Variants in ZIC4 observed in about 807,000 individuals in gnomAD.
ZIC4 encodes the protein Zic family zinc finger 4.
Under a neutral mutation model 28.8 loss-of-function variants are expected in ZIC4, and 15 were observed. The observed-to-expected ratio is 0.52, with a 90% CI of 0.35 to 0.80. The LOEUF (loss-of-function observed/expected upper bound fraction) is 0.80, where lower values mean the gene tolerates loss of function less well. Among genes scored for constraint, ZIC4 ranks in the 30% least tolerant of loss-of-function variants. The pLI is 0.01. For synonymous variants in ZIC4, 220 were observed against 198.1 expected (o/e 1.11, Z -0.93); for missense variants, 512 against 467.1 (o/e 1.10, Z -0.89).
At chr3:147,402,687 G>C in intron 2 of ZIC4, 41 bp downstream of exon 2, 2 of 1,464,074 alleles carry the variant, frequency 1.4e-6, no homozygotes, top group Non-Finnish European at 1.8e-6. Flanking sequence ...AAGAAGAAAA[G>C]AAACCAGCAA....
rs756723316 is a variant in ZIC4, at chr3:147,395,803, C to T, written c.688+49G>A. ...ACTTGAGGAAATCCAGACCCGAGGGCCTGCTTCCCCAGAGGGTCCGCACGC... is the reference window on the plus strand; with the variant it reads ...ACTTGAGGAAATCCAGACCCGAGGGTCTGCTTCCCCAGAGGGTCCGCACGC... On this transcript the variant is annotated intron_variant, in intron 3 of 4. Transcript: ENST00000383075. The T allele has an allele frequency of 1.3e-5, 21 of 1,566,732 alleles. No homozygotes were observed. The South Asian group carries it at 2.2e-4, about 16-fold the overall frequency.
intron 4 of ZIC4, among the ~76,000 whole-genome samples, chr3:147,389,777 C>T (rs925714426): frequency 1.3e-5 from 2 of 152,170 alleles, no homozygotes; most frequent in African/African-American, 4.8e-5. Flanking sequence ...TCTAGTTCCT[C>T]CTACACCTTT....
intron 1 of ZIC4, chr3:147,403,754 C>G: frequency 2.1e-6 from 1 of 475,434 alleles, no homozygotes; most frequent in South Asian, 3.5e-5. Flanking sequence ...GCCCACAGAA[C>G]AAGCAGTTGT....
In ZIC4 at chr3:147,391,173, A is replaced by G. The variant is rs754000514; in HGVS notation, c.762T>C (p.His254=). 2 of 1,610,160 alleles carry G rather than the reference A, an allele frequency of 1.2e-6. No individual in the cohort carries two copies. Among genetic ancestry groups the G allele is most frequent in the Non-Finnish European group, 8.5e-7 (1 of 1,176,828 alleles). Residue 254 remains histidine (H), a synonymous_variant, in exon 4 of 5, where the codon CAT becomes CAC. Coordinates refer to ENST00000383075, the MANE Select transcript of ZIC4 (RefSeq NM_032153.6). ...GCTTGTCGCTAGTGTGCACGTGCGA[A>G]TGCTTCTTACGGTCGCTGCTGTTGG... ...RFANSSDRKK[H]SHVHTSDKPY...
At chr3:147,393,845 C>T (rs1292727776) in intron 3 of ZIC4, 1 of 455,802 alleles carries the variant, frequency 2.2e-6, no homozygotes. Flanking sequence ...CCCGCGCCTC[C>T]CTCCCCGAGG....
intron 4 of ZIC4, among the ~76,000 whole-genome samples, chr3:147,389,606 T>C (rs539253425): frequency 6.6e-6 from 1 of 152,236 alleles, no homozygotes; most frequent in South Asian, 2.1e-4. Context: ...AAGGACCTGA[T>C]TTTTTTCCCT....
intron 2 of ZIC4, among the ~76,000 whole-genome samples, chr3:147,401,492 T>C (rs1187634568): frequency 1.3e-5 from 2 of 151,962 alleles, no homozygotes. Flanking sequence ...TGTTCTGCAC[T>C]AAATCAATAG....
chr3:147,405,319 A>C lies in ZIC4; in HGVS notation c.-16+1044T>G, dbSNP rs1037748108. 3 of 1,460,216 alleles carry C rather than the reference A, an allele frequency of 2.1e-6. No homozygotes were observed. In the African/African-American group the frequency reaches 4.2e-5, roughly 21 times the overall value. The allele number at this position is 1,460,216 out of a possible 1,614,324, so 90.5% of individuals were successfully genotyped here. On this transcript the variant is annotated intron_variant, in intron 1 of 4. Transcript: ENST00000383075. ...GACAGGAGAAAAAAGAGCAGCATGC[A>C]GTGGTGTGGGTCGCTGCGAGGACAA...
In ZIC4 at chr3:147,396,778, T is replaced by C; in HGVS notation, c.71-309A>G. 3.3e-6 allele frequency: 1 copy of C among 300,974 alleles called. No homozygotes were observed. Among genetic ancestry groups the C allele is most frequent in the Admixed American group, 4.6e-5 (1 of 21,940 alleles). The allele number at this position is 300,974 out of a possible 1,614,324, so 18.6% of individuals were successfully genotyped here. A position where few individuals can be genotyped will look rare whatever the true frequency, so the allele number is the denominator to read the frequency against. ...GGCTGAGTCTGTGGGTTGCTGGGGG[T>C]TCTGCTCCAGAGGGGTAGGAGCTGA... On this transcript the variant is annotated intron_variant, in intron 2 of 4. Coordinates refer to ENST00000383075, the MANE Select transcript of ZIC4 (RefSeq NM_032153.6). The surrounding 1 kb of genome is among the most constrained non-coding windows in gnomAD (Gnocchi z 4.2).
chr3:147,406,515 G>T lies in ZIC4; in HGVS notation c.-168C>A, dbSNP rs1205361265. The stretch of plus-strand genomic sequence containing the variant: ...TTTTCCAGCTTTCAGGAAGCAGTTA[G>T]GGAATGTATGATGAAGCAGAAATGA... On this transcript the variant is annotated 5_prime_UTR_variant, in exon 1 of 5. Coordinates refer to ENST00000383075, the MANE Select transcript of ZIC4 (RefSeq NM_032153.6). 1 of 152,596 alleles carries T rather than the reference G, an allele frequency of 6.6e-6. No homozygotes were observed. Among genetic ancestry groups the T allele is most frequent in the Non-Finnish European group, 1.5e-5 (1 of 68,054 alleles). The allele number at this position is 152,596 out of a possible 1,614,324, so 9.5% of individuals were successfully genotyped here. A position where few individuals can be genotyped will look rare whatever the true frequency, so the allele number is the denominator to read the frequency against.
intron 3 of ZIC4, among the ~76,000 whole-genome samples, chr3:147,394,819 G>C (rs776730354): frequency 6.6e-6 from 1 of 152,214 alleles, no homozygotes; most frequent in Admixed American, 6.5e-5. Flanking sequence ...GAAGATAGGC[G>C]TTAGAACAAC....
At chr3:147,391,271 T>A (rs760866404) in intron 3 of ZIC4, 25 bp from the exon 4 acceptor site, 1 of 1,555,928 alleles carries the variant, frequency 6.4e-7, no homozygotes, top group Non-Finnish European at 8.7e-7. Flanking sequence ...GCAGAGACAT[T>A]AGTGCTTGTG....
intron 1 of ZIC4, among the ~76,000 whole-genome samples, chr3:147,404,680 G>C (rs1407113407): frequency 6.6e-6 from 1 of 152,226 alleles, no homozygotes; most frequent in African/African-American, 2.4e-5. Context: ...GCCCCACCTT[G>C]AGAAGAGGAA....
chr3:147,396,318 C>A lies in ZIC4; in HGVS notation c.222G>T (p.Arg74=). ...CAGGCCCTGGCGGGAAGGGCTCCGG[C>A]CGCGCGTACATGTCTCCAGGGAGCC... The part of the protein sequence containing the change: ...RLGLPGDMYA[R]PEPFPPGPAA... The change falls in exon 3 of 5, where the codon CGG becomes CGT. Residue 74 remains arginine (R), a synonymous_variant. Transcript: ENST00000383075. This position sits in a 1 kb window ranked among gnomAD's most constrained non-coding sequence, Gnocchi z 4.2. The A allele has an allele frequency of 6.3e-7, 1 of 1,596,334 alleles. No individual in the cohort carries two copies. Among genetic ancestry groups the A allele is most frequent in the Non-Finnish European group, 8.5e-7 (1 of 1,171,802 alleles).
intron 1 of ZIC4, chr3:147,403,784 G>A (rs1039542856): frequency 8.2e-6 from 5 of 611,954 alleles, no homozygotes; most frequent in Non-Finnish European, 1.3e-5. Flanking sequence ...TGAACCACAG[G>A]CCAAATCCAA....
At chr3:147,390,571 A>AC (rs1381321573) in intron 4 of ZIC4, among the ~76,000 whole-genome samples, 11 of 151,922 alleles carry the variant, frequency 7.2e-5, no homozygotes, top group Non-Finnish European at 2.9e-5. Context: ...TTCGCCCCTA[A>AC]CCCTGGTTTT....
At chr3:147,405,201 C>T (rs1301464975) in intron 1 of ZIC4, among the ~76,000 whole-genome samples, 1 of 152,194 alleles carries the variant, frequency 6.6e-6, no homozygotes, top group East Asian at 1.9e-4. Context: ...TGGGCAGCAT[C>T]CGGGTGCCCA....
intron 1 of ZIC4, chr3:147,405,487 G>A (rs1363665955): frequency 6.5e-7 from 1 of 1,536,840 alleles, no homozygotes; most frequent in Non-Finnish European, 8.7e-7. Context: ...CCAACTTTCA[G>A]ATCCAACCTT....
intron 1 of ZIC4, among the ~76,000 whole-genome samples, chr3:147,403,241 G>A (rs1341013589): frequency 1.3e-5 from 2 of 152,108 alleles, no homozygotes; most frequent in Non-Finnish European, 2.9e-5. Context: ...TGAGAGGTTA[G>A]CAGCTAAAAT....
Sources: gnomAD v4.1 joint callset for allele counts (sites outside exome capture counted in the v4.1 genomes callset) on GRCh38, gnomAD v4.1.1 for gene constraint, Gnocchi (gnomAD v3.1) non-coding constraint, MANE v1.5 for transcripts, NCBI Gene and HGNC (gene_info 2026-07-23, HGNC 2026-07-21) for gene names.